The following MEP1A variants were observed in gnomAD, a reference collection of about 807,000 sequenced individuals.
MEP1A encodes the protein meprin A subunit alpha.
MEP1A carries 68 observed loss-of-function variants against 84.5 expected under a neutral mutation model. The observed-to-expected ratio is 0.80, with a 90% confidence interval of 0.66 to 0.98. The LOEUF (loss-of-function observed/expected upper bound fraction) is 0.98, where lower values mean the gene tolerates loss of function less well. Ranked by LOEUF, MEP1A falls within the 50% of genes least tolerant of loss-of-function variation. MEP1A has a pLI of 0.00. For missense variants in MEP1A, 887 were observed against 919.9 expected, an observed-to-expected ratio of 0.96 and a Z score of 0.46; for synonymous variants, 337 against 336.8, an observed-to-expected ratio of 1.00 and a Z score of -0.01.
chr6:46,829,971 T>C (rs1211537859), intron 10 of MEP1A, among the ~76,000 whole-genome samples: 4 of 151,990 alleles, frequency 2.6e-5, no homozygotes, highest in African/African-American at 7.2e-5. Flanking sequence ...AGTTAAATAG[T>C]TGACCAGCTC....
chr6:46,812,115 T>A (rs1291345122), intron 6 of MEP1A, among the ~76,000 whole-genome samples: 1 of 152,068 alleles, frequency 6.6e-6, no homozygotes, highest in Admixed American at 6.6e-5. Flanking sequence ...CTTTTTTTTG[T>A]TGGCAATTTT....
Position 46,835,416 on chromosome 6 carries a change from C to T in MEP1A, c.1951C>T (p.Gln651Ter), listed in dbSNP as rs1280801636. The change falls in exon 13 of 14, where the codon CAG becomes TAG. Residue 651 changes from glutamine (Q) to a stop codon, truncating the protein, a stop_gained. Transcript: ENST00000230588. LOFTEE classifies it high-confidence loss of function. ...CCTGAGCCAGGGGCAGCCCAGCCGA[C>T]AGAAGCGGTCGGTGGAGAACACAGG... Reference protein sequence around the residue: ...VSLSQGQPSRQKRSVENTGPL... With the variant: ...VSLSQGQPSR 2 of 1,612,292 alleles carry T rather than the reference C, an allele frequency of 1.2e-6. No individual in the cohort carries two copies. Among genetic ancestry groups the T allele is most frequent in the Non-Finnish European group, 1.7e-6 (2 of 1,179,230 alleles).
At chr6:46,812,145 C>T (rs1041740173) in intron 6 of MEP1A, among the ~76,000 whole-genome samples, 1 of 151,954 alleles carries the variant, frequency 6.6e-6, no homozygotes, top group Non-Finnish European at 1.5e-5. Flanking sequence ...ATTTCAATCT[C>T]ACTACTTGTT....
At chr6:46,843,777 A>T (rs1321263217), downstream of MEP1A, among the ~76,000 whole-genome samples, 4 of 152,160 alleles carry the variant, frequency 2.6e-5, no homozygotes, top group Non-Finnish European at 5.9e-5. Context: ...CTCATGAATT[A>T]TATCATCTGT....
chr6:46,836,545 C>A (rs1232938065), intron 13 of MEP1A, among the ~76,000 whole-genome samples: 1 of 152,166 alleles, frequency 6.6e-6, no homozygotes, highest in East Asian at 1.9e-4. Flanking sequence ...ATTACACAAA[C>A]CATAGTACAA....
At chr6:46,809,733 C>T (rs1475477540) in intron 6 of MEP1A, among the ~76,000 whole-genome samples, 196 bp downstream of exon 6, 2 of 151,888 alleles carry the variant, frequency 1.3e-5, no homozygotes, top group Non-Finnish European at 2.9e-5. Flanking sequence ...TAATGGTCTC[C>T]AACTCCATCC....
rs753264234 is a variant in MEP1A, at chr6:46,833,098, T to C, written c.1169T>C (p.Ile390Thr). The C allele has an allele frequency of 4.6e-6, 7 of 1,526,552 alleles. No individual in the cohort carries two copies. The highest frequency in any genetic ancestry group is 6.1e-6 in the Non-Finnish European group (7 of 1,141,084). The allele number at this position is 1,526,552 out of a possible 1,614,324, so 94.6% of individuals were successfully genotyped here. A position where few individuals can be genotyped will look rare whatever the true frequency, so the allele number is the denominator to read the frequency against. ...GGAGATGATGACCACAATTGGAAAA[T>C]TGCCCATGTGGTGCTCAAAGAGGAA... is the stretch of plus-strand genomic sequence containing the variant. ...FQGDDDHNWK[I>T]AHVVLKEEQK... The change falls in exon 11 of 14, where the codon ATT becomes ACT. Residue 390 changes from isoleucine (I) to threonine (T), a missense_variant. By Grantham distance (89) the Ile-to-Thr change is moderately conservative. Transcript: ENST00000230588.
chr6:46,797,445 G>A (rs1410820), intron 3 of MEP1A, among the ~76,000 whole-genome samples: 42,636 of 152,150 alleles, frequency 0.28, 6,761 homozygotes, highest in Middle Eastern at 0.35. Context: ...AATAACAGCA[G>A]TAGGAGAGTA....
intron 3 of MEP1A, among the ~76,000 whole-genome samples, chr6:46,796,225 C>T (rs1349774542): frequency 6.6e-6 from 1 of 152,114 alleles, no homozygotes; most frequent in Non-Finnish European, 1.5e-5. Flanking sequence ...CGGGTGTTGA[C>T]CAAGCCTTCC....
rs1768112135 is a variant in MEP1A at position 46,833,093 on chromosome 6, G to A, written c.1164G>A (p.Trp388Ter). The change falls in exon 11 of 14, where the codon TGG becomes TGA. Residue 388 changes from tryptophan to a stop codon, truncating the protein, a stop_gained. Transcript: ENST00000230588. LOFTEE classifies it high-confidence loss of function. ...QTFQGDDDHN[W>*]KIAHVVLKEE... is the part of the protein sequence containing the mutation. The stretch of plus-strand genomic sequence containing the variant: ...CCTCAGGAGATGATGACCACAATTG[G>A]AAAATTGCCCATGTGGTGCTCAAAG... 6.6e-7 allele frequency: 1 copy of A among 1,525,702 alleles called. No homozygotes were observed. 94.5% of individuals were successfully genotyped at this position (1,525,702 alleles called of 1,614,324 possible). A position where few individuals can be genotyped will look rare whatever the true frequency, so the allele number is the denominator to read the frequency against.
intron 5 of MEP1A, among the ~76,000 whole-genome samples, chr6:46,803,467 T>C (rs546718240): frequency 4.6e-5 from 7 of 151,698 alleles, no homozygotes; most frequent in African/African-American, 1.7e-4. Flanking sequence ...AATTTGTGTT[T>C]TCCCTCTTTT....
chr6:46,814,478 T>G (rs1239424585), intron 6 of MEP1A, among the ~76,000 whole-genome samples: 1 of 152,164 alleles, frequency 6.6e-6, no homozygotes, highest in Non-Finnish European at 1.5e-5. Flanking sequence ...TTTCTTTAAG[T>G]TGGACTTTAC....
chr6:46,817,190 A>C (rs970575594), intron 6 of MEP1A, among the ~76,000 whole-genome samples: 1 of 152,178 alleles, frequency 6.6e-6, no homozygotes, highest in Admixed American at 6.5e-5. Context: ...GGTTAGTGGG[A>C]GGAGGGGTTA....
At position 46,834,669 on chromosome 6, in the gene MEP1A, G is replaced by C; in HGVS notation, c.1701G>C (p.Trp567Cys). The C allele has an allele frequency of 1.9e-6, 3 of 1,611,562 alleles. No homozygotes were observed. The highest frequency in any genetic ancestry group is 2.5e-6 in the Non-Finnish European group (3 of 1,179,570). Residue 567 changes from tryptophan (W) to cysteine (C), a missense_variant, in exon 12 of 14, where the codon TGG becomes TGC. Coordinates refer to ENST00000230588, the MANE Select transcript of MEP1A (RefSeq NM_005588.3). The stretch of plus-strand genomic sequence containing the variant: ...GTTTTAGAAGCATCGACTTGGGCTG[G>C]AGTGGTTTCATTTCCCACCAAATGC... ...CNCFRSIDLGWSGFISHQMLK... is the reference protein window; with the variant it reads ...CNCFRSIDLGCSGFISHQMLK...
chr6:46,798,063 G>A (rs963613964), intron 3 of MEP1A, among the ~76,000 whole-genome samples: 2 of 151,724 alleles, frequency 1.3e-5, no homozygotes, highest in African/African-American at 2.4e-5. Flanking sequence ...TGCGTCCTGG[G>A]TTCAAGCAAT....
At chr6:46,813,826 T>C (rs1767562572) in intron 6 of MEP1A, among the ~76,000 whole-genome samples, 1 of 152,182 alleles carries the variant, frequency 6.6e-6, no homozygotes, top group South Asian at 2.1e-4. Flanking sequence ...TTTCACCAGA[T>C]ACTAAATTCT....
chr6:46,833,488 G>A lies in MEP1A; in HGVS notation c.1559G>A (p.Arg520Lys), dbSNP rs750488746. ...GACCAGGAGCCTGATGTCCGGAACA[G>A]GATGTCCTCAAGCATGGTGTTCACT... The part of the protein sequence containing the change: ...ILDQEPDVRN[R>K]MSSSMVFTTS... Residue 520 changes from arginine to lysine, a missense_variant, in exon 11 of 14, where the codon AGG (arginine) becomes AAG (lysine). Arg to Lys is a conservative substitution (Grantham distance 26). Transcript: ENST00000230588. 5.0e-6 allele frequency: 8 copies of A among 1,614,028 alleles called. No individual in the cohort carries two copies. The highest frequency in any genetic ancestry group is 5.1e-6 in the Non-Finnish European group (6 of 1,180,042).
At chr6:46,833,637 G>T in intron 11 of MEP1A, 99 bp downstream of exon 11, 1 of 870,460 alleles carries the variant, frequency 1.1e-6, no homozygotes, top group Non-Finnish European at 1.8e-6. Context: ...TCCTCACATT[G>T]TCTGTTTGGG....
chr6:46,830,670 G>A (rs1311295868), intron 10 of MEP1A, among the ~76,000 whole-genome samples: 1 of 152,140 alleles, frequency 6.6e-6, no homozygotes, highest in Non-Finnish European at 1.5e-5. Context: ...CCAGGGAAAG[G>A]AATTATTTTT....
Sources: allele counts gnomAD v4.1 joint callset (sites outside exome capture counted in the v4.1 genomes callset), GRCh38; gene constraint gnomAD v4.1.1; transcripts MANE v1.5; gene names NCBI Gene and HGNC (gene_info 2026-07-23, HGNC 2026-07-21).